The following ENOX1 variants were observed in gnomAD, a reference collection of about 807,000 sequenced individuals.
ENOX1 encodes the protein candidate growth-related and time keeping constitutive hydroquinone (NADH) oxidase.
A neutral mutation model predicts 82.5 loss-of-function variants in ENOX1; 42 were observed. That is an observed-to-expected ratio of 0.51 (90% CI 0.40 to 0.66). The LOEUF is 0.66. Ranked by LOEUF, ENOX1 falls within the 30% of genes least tolerant of loss-of-function variation. ENOX1 has a pLI of 0.00. For missense variants in ENOX1, 608 were observed against 811.6 expected (o/e 0.75, Z 3.05); for synonymous variants, 271 against 282.2 (o/e 0.96, Z 0.40).
intron 14 of ENOX1, among the ~76,000 whole-genome samples, chr13:43,253,154 G>A (rs1039083903): frequency 6.6e-6 from 1 of 152,172 alleles, no homozygotes; most frequent in Non-Finnish European, 1.5e-5. Context: ...CACAGCTAGA[G>A]TTGGCAGGAG....
intron 15 of ENOX1, among the ~76,000 whole-genome samples, chr13:43,231,823 G>C (rs2042296395): frequency 6.6e-6 from 1 of 152,208 alleles, no homozygotes. Flanking sequence ...ATCAGTTAAT[G>C]CATGGGATAG....
intron 1 of ENOX1, among the ~76,000 whole-genome samples, chr13:43,758,534 T>C (rs1217258264): frequency 6.6e-6 from 1 of 152,232 alleles, no homozygotes; most frequent in South Asian, 2.1e-4. Context: ...CCCTGTTGGA[T>C]GAAAGTGTCC....
intron 12 of ENOX1, among the ~76,000 whole-genome samples, chr13:43,282,959 C>T (rs1303047009): frequency 6.6e-6 from 1 of 151,882 alleles, no homozygotes; most frequent in African/African-American, 2.4e-5. Flanking sequence ...GGGCATGCAC[C>T]TGTAGTCCCA....
At chr13:43,764,692 G>A (rs1312354656) in intron 1 of ENOX1, among the ~76,000 whole-genome samples, 3 of 151,504 alleles carry the variant, frequency 2.0e-5, no homozygotes, top group South Asian at 2.1e-4. Flanking sequence ...TAACAAAAAC[G>A]CCTGCTTTCA....
chr13:43,712,242 C>G (rs1435669644), intron 1 of ENOX1, among the ~76,000 whole-genome samples: 2 of 146,892 alleles, frequency 1.4e-5, no homozygotes, highest in Non-Finnish European at 3.0e-5. Context: ...AGATATGCGG[C>G]ATTATTTCTG....
At chr13:43,386,829 G>T (rs1185112555) in intron 5 of ENOX1, among the ~76,000 whole-genome samples, 2 of 152,200 alleles carry the variant, frequency 1.3e-5, no homozygotes, top group Non-Finnish European at 2.9e-5. Flanking sequence ...ACACACTTTA[G>T]TTTATTCATT....
intron 14 of ENOX1, among the ~76,000 whole-genome samples, chr13:43,261,826 C>G (rs932221281): frequency 6.0e-5 from 7 of 117,354 alleles, no homozygotes; most frequent in African/African-American, 2.3e-4. Flanking sequence ...ATATCACACT[C>G]TGGGGACTGT....
intron 1 of ENOX1, among the ~76,000 whole-genome samples, chr13:43,716,475 G>T (rs1198010821): frequency 6.6e-6 from 1 of 152,132 alleles, no homozygotes; most frequent in East Asian, 1.9e-4. Context: ...GCTCCGCCAA[G>T]CAGAAATATC....
intron 2 of ENOX1, among the ~76,000 whole-genome samples, chr13:43,618,694 C>A (rs1208557849): frequency 6.6e-6 from 1 of 151,964 alleles, no homozygotes; most frequent in Non-Finnish European, 1.5e-5. Flanking sequence ...GTTCTTTTTG[C>A]TTAGTCTTGA....
rs1457149422 is a variant in ENOX1, at chr13:43,616,204, A to ATATTTTTT, written c.-219+51274_-219+51275insAAAAAATA. On this transcript the variant is annotated intron_variant, in intron 2 of 16. Transcript: ENST00000690772. Reference sequence around the variant, plus strand: ...TATCTATCTATATATATATATATATATTTTTTTTTTTTTTTTAGGACGGAG... The same window carrying ATATTTTTT: ...TATCTATCTATATATATATATATATATATTTTTTTTTTTTTTTTTTTTTTAGGACGGAG... Among the ~76,000 whole-genome samples, 11 of 15,310 alleles carry ATATTTTTT rather than the reference A, an allele frequency of 7.2e-4. 2 individuals are homozygous for ATATTTTTT. Among genetic ancestry groups the ATATTTTTT allele is most frequent in the Non-Finnish European group, 1.7e-3 (8 of 4,796 alleles). The allele number at this position is 15,310 out of a possible 152,430, so 10.0% of individuals were successfully genotyped here.
At chr13:43,734,199 GGTTGTT>G (rs143259339) in intron 1 of ENOX1, among the ~76,000 whole-genome samples, 13,579 of 150,964 alleles carry the variant, frequency 0.09, 1,006 homozygotes, top group East Asian at 0.24. Flanking sequence ...TTTTGTTGTT[GGTTGTT>G]GTTGTTGTTG....
At chr13:43,777,443 G>C (rs893594443) in intron 1 of ENOX1, among the ~76,000 whole-genome samples, 1 of 152,124 alleles carries the variant, frequency 6.6e-6, no homozygotes, top group Admixed American at 6.5e-5. Context: ...AAGATTGATG[G>C]ATTGTATCAA....
intron 2 of ENOX1, among the ~76,000 whole-genome samples, chr13:43,533,966 G>T (rs1027120588): frequency 2.0e-5 from 3 of 152,136 alleles, no homozygotes; most frequent in Non-Finnish European, 4.4e-5. Context: ...TTCTCAAACT[G>T]TGAACATTGA....
chr13:43,236,833 G>A (rs994596312), intron 14 of ENOX1, 95 bp from the exon 15 acceptor site: 3 of 553,122 alleles, frequency 5.4e-6, no homozygotes, highest in East Asian at 3.5e-5. Context: ...TATAAATAAG[G>A]TCATCACTTC....
At position 43,213,864 on chromosome 13, in the gene ENOX1, A is replaced by G; in HGVS notation, c.*126T>C. On this transcript the variant is annotated 3_prime_UTR_variant, in exon 17 of 17. Transcript: ENST00000690772. ...CAAGAGAACGCCACAGATATAACTA[A>G]AGGCAGGCTTCGATGGCTCCACAAA... 3.9e-6 allele frequency: 4 copies of G among 1,029,002 alleles called. No individual in the cohort carries two copies. The highest frequency in any genetic ancestry group is 5.5e-6 in the Non-Finnish European group (4 of 724,954). The allele number at this position is 1,029,002 out of a possible 1,614,324, so 63.7% of individuals were successfully genotyped here. A position where few individuals can be genotyped will look rare whatever the true frequency, so the allele number is the denominator to read the frequency against.
chr13:43,785,872 T>A (rs1347314872), intron 1 of ENOX1, among the ~76,000 whole-genome samples: 1 of 151,776 alleles, frequency 6.6e-6, no homozygotes, highest in African/African-American at 2.4e-5. Context: ...TGGGGTGGTC[T>A]GGGAGGGGCC....
intron 2 of ENOX1, among the ~76,000 whole-genome samples, chr13:43,629,396 G>A (rs1223244116): frequency 6.6e-6 from 1 of 152,116 alleles, no homozygotes; most frequent in Admixed American, 6.6e-5. Context: ...GTCAAGTCTT[G>A]GATATGTAAG....
intron 8 of ENOX1, among the ~76,000 whole-genome samples, chr13:43,345,846 T>G (rs1245322008): frequency 1.3e-5 from 2 of 152,106 alleles, no homozygotes; most frequent in Admixed American, 1.3e-4. Context: ...AAAATTAGAT[T>G]GAAAGATTCA....
intron 15 of ENOX1, among the ~76,000 whole-genome samples, chr13:43,230,171 A>G (rs1488552610): frequency 1.3e-5 from 2 of 152,346 alleles, no homozygotes; most frequent in East Asian, 3.9e-4. Flanking sequence ...GGCGGAGAGA[A>G]GTATTTCCAG....
Sources: allele counts gnomAD v4.1 joint callset (sites outside exome capture counted in the v4.1 genomes callset), GRCh38; gene constraint gnomAD v4.1.1; transcripts MANE v1.5; gene names NCBI Gene and HGNC (gene_info 2026-07-23, HGNC 2026-07-21).